MAL: variants seen among roughly 807,000 people sequenced by gnomAD.
MAL encodes mal, T cell differentiation protein (MAL blood group), also known as myelin and lymphocyte protein.
MAL carries 5 observed loss-of-function variants against 16.7 expected under a neutral mutation model. The observed-to-expected ratio is 0.30, with a 90% CI of 0.16 to 0.63. MAL has a LOEUF of 0.63. MAL is among the 30% of genes least tolerant of loss of function. MAL has a pLI of 0.82. For missense variants in MAL, 202 were observed against 195.8 expected (o/e 1.03, Z -0.19); for synonymous variants, 96 against 85.5 (o/e 1.12, Z -0.67).
At chr2:95,034,625 T>C (rs1173071118) in intron 1 of MAL, among the ~76,000 whole-genome samples, 1 of 152,110 alleles carries the variant, frequency 6.6e-6, no homozygotes, top group Admixed American at 6.5e-5. Context: ...CCAGCCTCCA[T>C]CCTGGCCCCC....
chr2:95,046,161 G>T (rs117462708), intron 1 of MAL, among the ~76,000 whole-genome samples: 40 of 152,196 alleles, frequency 2.6e-4, no homozygotes, highest in Non-Finnish European at 5.6e-4. Context: ...TGAAGACAGC[G>T]GTATCTCTCA....
At chr2:95,026,162 G>T (rs1030886024) in intron 1 of MAL, among the ~76,000 whole-genome samples, 4 of 152,164 alleles carry the variant, frequency 2.6e-5, no homozygotes, top group African/African-American at 7.2e-5. Flanking sequence ...GGCAGGGGGG[G>T]ACGGCTCTTG....
chr2:95,042,172 T>C (rs1674483029), intron 1 of MAL, among the ~76,000 whole-genome samples: 1 of 152,136 alleles, frequency 6.6e-6, no homozygotes, highest in Admixed American at 6.5e-5. Context: ...GGGCGACATT[T>C]TGCACTGAGA....
At chr2:95,044,668 A>C (rs1385287225) in intron 1 of MAL, 1 of 152,260 alleles carries the variant, frequency 6.6e-6, no homozygotes, top group Non-Finnish European at 1.5e-5. Flanking sequence ...CCTGCGAGCC[A>C]GTGTGGGGAG....
intron 3 of MAL, among the ~76,000 whole-genome samples, chr2:95,052,189 G>T (rs888805539): frequency 2.0e-5 from 3 of 152,240 alleles, no homozygotes; most frequent in Non-Finnish European, 2.9e-5. Flanking sequence ...GGCAGTGATG[G>T]CTACAGTTTA....
intron 1 of MAL, among the ~76,000 whole-genome samples, chr2:95,041,169 A>G (rs1264586854): frequency 6.6e-6 from 1 of 152,168 alleles, no homozygotes; most frequent in Non-Finnish European, 1.5e-5. Flanking sequence ...CTGTGGATGA[A>G]GAGTTCTTTC....
At chr2:95,039,455 A>AGTGAGTGG (rs1674383802) in intron 1 of MAL, among the ~76,000 whole-genome samples, 1 of 147,682 alleles carries the variant, frequency 6.8e-6, no homozygotes, top group Non-Finnish European at 1.5e-5. Flanking sequence ...TGAGTGAGTG[A>AGTGAGTGG]GTGAGTGGGT....
intron 1 of MAL, among the ~76,000 whole-genome samples, chr2:95,039,461 TG>T (rs1674384187): frequency 6.9e-6 from 1 of 144,154 alleles, no homozygotes; most frequent in African/African-American, 2.6e-5. Flanking sequence ...AGTGAGTGAG[TG>T]GGTGAGTGAG....
Position 95,053,390 on chromosome 2 carries a change from T to C in MAL, c.397T>C (p.Tyr133His), listed in dbSNP as rs1434284305. ...HENIAAVVFS[Y>H]IATLLYVVHA... ...TTTCTCTTGGTTCCAGGTGTTCTCC[T>C]ACATAGCCACTCTGCTCTACGTGGT... is the stretch of plus-strand genomic sequence containing the variant. The change falls in exon 4 of 4, where the codon TAC (tyrosine) becomes CAC (histidine). Residue 133 changes from tyrosine to histidine, a missense_variant. Coordinates refer to ENST00000309988, the MANE Select transcript of MAL (RefSeq NM_002371.4). 6 of 1,612,654 alleles carry C rather than the reference T, an allele frequency of 3.7e-6. No individual in the cohort carries two copies. Among genetic ancestry groups the C allele is most frequent in the East Asian group, 4.5e-5 (2 of 44,870 alleles).
intron 1 of MAL, among the ~76,000 whole-genome samples, chr2:95,039,861 G>A (rs1246995808): frequency 2.0e-5 from 3 of 152,138 alleles, no homozygotes; most frequent in African/African-American, 7.2e-5. Flanking sequence ...GCCAAACGGT[G>A]TTACTCCTTG....
chr2:95,046,071 G>T (rs1279069579), intron 1 of MAL, among the ~76,000 whole-genome samples: 1 of 152,218 alleles, frequency 6.6e-6, no homozygotes, highest in Non-Finnish European at 1.5e-5. Context: ...TAAATCCAAA[G>T]TCTTCATTGC....
Position 95,025,965 on chromosome 2 carries a change from G to A in MAL, c.93+80G>A. On this transcript the variant is annotated intron_variant, in intron 1 of 3. Coordinates refer to ENST00000309988, the MANE Select transcript of MAL (RefSeq NM_002371.4). The surrounding 1 kb of genome is among the most constrained non-coding windows in gnomAD (Gnocchi z 5.6). ...CGGGCGCCCAGCACAGCTGTCGGAC[G>A]GGATCCGCTAGCTGCGCAGGTTCTG... 1.6e-6 allele frequency: 2 copies of A among 1,256,362 alleles called. No individual in the cohort carries two copies. Among genetic ancestry groups the A allele is most frequent in the South Asian group, 1.4e-5 (1 of 69,064 alleles). 77.8% of individuals were successfully genotyped at this position (1,256,362 alleles called of 1,614,324 possible).
At chr2:95,052,858 A>T (rs541184038) in intron 3 of MAL, among the ~76,000 whole-genome samples, 2 of 152,126 alleles carry the variant, frequency 1.3e-5, no homozygotes, top group Admixed American at 1.3e-4. Flanking sequence ...TCTCAGCCAC[A>T]CCTGTGATAT....
At chr2:95,050,735 C>T (rs978665736) in intron 3 of MAL, among the ~76,000 whole-genome samples, 4 of 152,224 alleles carry the variant, frequency 2.6e-5, no homozygotes, top group African/African-American at 4.8e-5. Context: ...AGCCTACAAT[C>T]GCTCCCCTAA....
chr2:95,046,479 C>T (rs1280147600), intron 1 of MAL, among the ~76,000 whole-genome samples: 5 of 152,306 alleles, frequency 3.3e-5, no homozygotes, highest in South Asian at 2.1e-4. Context: ...GGTTTGTACA[C>T]GCCTGTCCAC....
At chr2:95,035,263 A>C (rs1235035859) in intron 1 of MAL, among the ~76,000 whole-genome samples, 1 of 151,798 alleles carries the variant, frequency 6.6e-6, no homozygotes, top group Non-Finnish European at 1.5e-5. Flanking sequence ...CATTTAAGCC[A>C]CTCCTGTCTG....
intron 1 of MAL, among the ~76,000 whole-genome samples, chr2:95,036,892 GGTGA>G (rs1674226781): frequency 1.1e-5 from 1 of 91,608 alleles, no homozygotes; most frequent in Non-Finnish European, 2.3e-5. Context: ...TAACTGAGTG[GGTGA>G]GTGAGTGACT....
chr2:95,050,899 G>C (rs3112983), intron 3 of MAL, among the ~76,000 whole-genome samples: 118,912 of 152,140 alleles, frequency 0.78, 46,824 homozygotes, highest in African/African-American at 0.87. Context: ...AGGCTGGTGA[G>C]CCACCCTCCA....
At chr2:95,034,303 T>C (rs1674155193) in intron 1 of MAL, among the ~76,000 whole-genome samples, 1 of 152,102 alleles carries the variant, frequency 6.6e-6, no homozygotes, top group Non-Finnish European at 1.5e-5. Context: ...AGCTAAGAGC[T>C]TGATGGAGCA....
Sources: allele counts gnomAD v4.1 joint callset (sites outside exome capture counted in the v4.1 genomes callset), GRCh38; gene constraint gnomAD v4.1.1; non-coding constraint Gnocchi (gnomAD v3.1); transcripts MANE v1.5; gene names NCBI Gene and HGNC (gene_info 2026-07-23, HGNC 2026-07-21).